Variants in CLVS1 observed in about 807,000 individuals in gnomAD.
The protein encoded by CLVS1 is clavesin 1.
Under a neutral mutation model 33.1 loss-of-function variants are expected in CLVS1, and 10 were observed. That is an observed-to-expected ratio of 0.30 (90% CI 0.19 to 0.51). The LOEUF (loss-of-function observed/expected upper bound fraction) is 0.51, where lower values mean the gene tolerates loss of function less well. CLVS1 is among the 20% of genes least tolerant of loss of function. The pLI is 0.97. For missense variants in CLVS1, 343 were observed against 433.4 expected (o/e 0.79, Z 1.85); for synonymous variants, 163 against 166.1 (o/e 0.98, Z 0.14).
At chr8:61,069,525 G>A (rs1052012809) in intron 1 of CLVS1, among the ~76,000 whole-genome samples, 7 of 152,096 alleles carry the variant, frequency 4.6e-5, no homozygotes, top group Admixed American at 3.3e-4. Flanking sequence ...ATAGCAGATA[G>A]GACACATCAG....
At chr8:61,477,627 G>A (rs181880561) in intron 5 of CLVS1, among the ~76,000 whole-genome samples, 49 of 152,280 alleles carry the variant, frequency 3.2e-4, no homozygotes, top group Non-Finnish European at 2.9e-5. Context: ...TTGTATTTCT[G>A]TGGGATCAGT....
At chr8:61,086,296 G>A (rs1336834790) in intron 1 of CLVS1, among the ~76,000 whole-genome samples, 1 of 152,006 alleles carries the variant, frequency 6.6e-6, no homozygotes. Context: ...GAAAACCTAG[G>A]AGACTCAATT....
At chr8:61,223,828 G>C (rs1808273242) in intron 2 of CLVS1, among the ~76,000 whole-genome samples, 2 of 151,942 alleles carry the variant, frequency 1.3e-5, no homozygotes, top group East Asian at 1.9e-4. Flanking sequence ...GGTTTGCTCT[G>C]TTTACATAGT....
chr8:61,477,179 T>G (rs1201245213), intron 5 of CLVS1, among the ~76,000 whole-genome samples: 2 of 152,214 alleles, frequency 1.3e-5, no homozygotes, highest in East Asian at 3.8e-4. Flanking sequence ...CTTTTTGATG[T>G]GCTGCTGGAT....
chr8:61,367,870 T>G (rs1403645943), intron 2 of CLVS1, among the ~76,000 whole-genome samples: 1 of 152,252 alleles, frequency 6.6e-6, no homozygotes, highest in East Asian at 1.9e-4. Flanking sequence ...ATTACTTTTT[T>G]CTCTTTGTGT....
intron 5 of CLVS1, among the ~76,000 whole-genome samples, chr8:61,461,078 G>C (rs988402228): frequency 6.6e-6 from 1 of 152,310 alleles, no homozygotes; most frequent in African/African-American, 2.4e-5. Context: ...TGTGGTGTTG[G>C]CTATTGTTTG....
At chr8:61,009,245 C>T in the CLVS1 span, among the ~76,000 whole-genome samples, 1 of 151,880 alleles carries the variant, frequency 6.6e-6, no homozygotes. Context: ...CCCTCCCAGG[C>T]TCAAGCGATT....
At chr8:61,195,856 T>C (rs973698602) in intron 2 of CLVS1, among the ~76,000 whole-genome samples, 4 of 152,032 alleles carry the variant, frequency 2.6e-5, no homozygotes, top group African/African-American at 9.7e-5. Flanking sequence ...AAAGTAAAAG[T>C]AGGAAGTCAG....
chr8:61,031,683 G>A, the CLVS1 span, among the ~76,000 whole-genome samples: 3 of 152,176 alleles, frequency 2.0e-5, no homozygotes, highest in Non-Finnish European at 4.4e-5. Context: ...CCTGGCCATC[G>A]AAAAACTTGA....
chr8:61,054,687 A>C (rs542375501), upstream of CLVS1, among the ~76,000 whole-genome samples: 1 of 151,834 alleles, frequency 6.6e-6, no homozygotes, highest in African/African-American at 2.4e-5. Flanking sequence ...TAAAAAGGAA[A>C]GTACTTTGTA....
At chr8:61,351,246 TG>T (rs144986607) in intron 2 of CLVS1, among the ~76,000 whole-genome samples, 2,560 of 152,092 alleles carry the variant, frequency 0.017, 83 homozygotes, top group African/African-American at 0.058. Flanking sequence ...AAGAACCAAG[TG>T]GAAATTATGG....
At chr8:61,337,792 G>T (rs906911474) in intron 2 of CLVS1, among the ~76,000 whole-genome samples, 1 of 152,152 alleles carries the variant, frequency 6.6e-6, no homozygotes, top group Non-Finnish European at 1.5e-5. Flanking sequence ...TGGCAGGGCG[G>T]GGGTCTAGAT....
intron 3 of CLVS1, among the ~76,000 whole-genome samples, chr8:61,402,805 G>GA (rs1187637803): frequency 6.6e-6 from 1 of 152,152 alleles, no homozygotes; most frequent in Non-Finnish European, 1.5e-5. Context: ...AACTATCACA[G>GA]AATCTATCCT....
At chr8:61,166,612 TA>T (rs1025117378) in intron 2 of CLVS1, among the ~76,000 whole-genome samples, 1 of 151,970 alleles carries the variant, frequency 6.6e-6, no homozygotes, top group African/African-American at 2.4e-5. Context: ...AACTTTATGC[TA>T]AAAAAAATTT....
At chr8:61,139,378 T>C (rs921837100) in intron 2 of CLVS1, among the ~76,000 whole-genome samples, 5 of 152,138 alleles carry the variant, frequency 3.3e-5, no homozygotes, top group Non-Finnish European at 5.9e-5. Flanking sequence ...GAGTGAAAAA[T>C]GAAACAATTC....
At chr8:61,405,894 T>C (rs540708210) in intron 3 of CLVS1, among the ~76,000 whole-genome samples, 1 of 152,194 alleles carries the variant, frequency 6.6e-6, no homozygotes, top group East Asian at 1.9e-4. Flanking sequence ...GTCTCATGGA[T>C]CCCTGCAGAT....
intron 2 of CLVS1, among the ~76,000 whole-genome samples, chr8:61,144,879 G>A (rs1351265824): frequency 2.6e-5 from 4 of 152,260 alleles, no homozygotes; most frequent in South Asian, 2.1e-4. Context: ...ACAGGTGCCC[G>A]CTGCCACACC....
intron 3 of CLVS1, among the ~76,000 whole-genome samples, chr8:61,444,004 T>C (rs1187877994): frequency 3.3e-5 from 5 of 152,128 alleles, no homozygotes; most frequent in African/African-American, 4.8e-5. Flanking sequence ...TATATAGTAA[T>C]GTATTTTTAA....
Position 61,501,123 on chromosome 8 carries a change from G to A in CLVS1, c.*1581G>A, listed in dbSNP as rs1306915272. 6.6e-6 allele frequency: 1 copy of A among 151,866 alleles called. No individual in the cohort carries two copies. Among genetic ancestry groups the A allele is most frequent in the Non-Finnish European group, 1.5e-5 (1 of 67,956 alleles). The allele number at this position is 151,866 out of a possible 1,614,324, so 9.4% of individuals were successfully genotyped here. A position where few individuals can be genotyped will look rare whatever the true frequency, so the allele number is the denominator to read the frequency against. On this transcript the variant is annotated 3_prime_UTR_variant, in exon 6 of 6. Transcript: ENST00000325897. The stretch of plus-strand genomic sequence containing the variant: ...CTAATTCATTTTTGTGTAGACATAC[G>A]AAATCACAAAAATAATAACACTGAA...
Sources: allele counts gnomAD v4.1 joint callset (sites outside exome capture counted in the v4.1 genomes callset), GRCh38; gene constraint gnomAD v4.1.1; transcripts MANE v1.5; gene names NCBI Gene and HGNC (gene_info 2026-07-23, HGNC 2026-07-21).